Variants in TSHZ2 observed in about 807,000 individuals in gnomAD.
TSHZ2 encodes teashirt homolog 2.
TSHZ2 carries 21 observed loss-of-function variants against 74.4 expected under a neutral mutation model. The ratio of observed to expected loss-of-function variants is 0.28; its 90% CI spans 0.20 to 0.41. The LOEUF (loss-of-function observed/expected upper bound fraction) is 0.41, where lower values mean the gene tolerates loss of function less well. TSHZ2 is among the 10% of genes least tolerant of loss of function. The pLI is 1.00. For missense variants in TSHZ2, 1,244 were observed against 1,293.5 expected (o/e 0.96, Z 0.59); for synonymous variants, 540 against 515.3 (o/e 1.05, Z -0.65).
At chr20:53,295,016 T>A (rs1055084066) in intron 2 of TSHZ2, among the ~76,000 whole-genome samples, 22 of 152,234 alleles carry the variant, frequency 1.4e-4, no homozygotes, top group African/African-American at 4.1e-4. Flanking sequence ...CTTAGAGGAT[T>A]GCAGTATTTA....
chr20:53,419,546 G>T (rs1191628920), intron 2 of TSHZ2, among the ~76,000 whole-genome samples: 1 of 152,154 alleles, frequency 6.6e-6, no homozygotes, highest in Non-Finnish European at 1.5e-5. Flanking sequence ...GAAAGGTGAG[G>T]TATAGACATT....
chr20:53,174,638 G>C (rs1483797521), intron 1 of TSHZ2, among the ~76,000 whole-genome samples: 1 of 152,180 alleles, frequency 6.6e-6, no homozygotes, highest in Admixed American at 6.5e-5. Flanking sequence ...GGCACTCAAG[G>C]CTTAGCTATC....
chr20:53,467,852 C>G (rs908342922), intron 2 of TSHZ2, among the ~76,000 whole-genome samples: 4 of 152,148 alleles, frequency 2.6e-5, no homozygotes, highest in Admixed American at 1.3e-4. Context: ...ATATGTGTAC[C>G]AGGCTTTAAA....
chr20:53,361,604 A>G (rs529399185), intron 2 of TSHZ2, among the ~76,000 whole-genome samples: 1 of 152,262 alleles, frequency 6.6e-6, no homozygotes, highest in Non-Finnish European at 1.5e-5. Flanking sequence ...TTTGATCAAT[A>G]GTTTATAAAT....
chr20:53,175,597 G>A (rs1211257453), intron 1 of TSHZ2, among the ~76,000 whole-genome samples: 3 of 152,136 alleles, frequency 2.0e-5, no homozygotes, highest in Non-Finnish European at 2.9e-5. Flanking sequence ...TTGTCTGTTC[G>A]AGGGAAGTCA....
At chr20:53,244,427 TCTC>T (rs1990151898) in intron 1 of TSHZ2, among the ~76,000 whole-genome samples, 1 of 152,208 alleles carries the variant, frequency 6.6e-6, no homozygotes, top group Non-Finnish European at 1.5e-5. Flanking sequence ...CACTTTGTTT[TCTC>T]CTCTGTTCCT....
chr20:53,347,940 G>A (rs1246485559), intron 2 of TSHZ2, among the ~76,000 whole-genome samples: 3 of 152,032 alleles, frequency 2.0e-5, no homozygotes, highest in Admixed American at 6.6e-5. Context: ...TCATGACCCC[G>A]AAAAGAAACT....
chr20:53,261,158 A>G lies in TSHZ2; in HGVS notation c.*8+4587A>G, dbSNP rs188944769. ...CCTTGCCTGATGGTTTCTAGGTAAT[A>G]CTCATGGCTGGATGTACCTCCAACA... On this transcript the variant is annotated intron_variant, in intron 2 of 2. Coordinates refer to ENST00000371497, the MANE Select transcript of TSHZ2 (RefSeq NM_173485.6). 1.5e-3 allele frequency among the ~76,000 whole-genome samples: 225 copies of G among 152,180 alleles called. 2 individuals carry two copies. The highest frequency in any genetic ancestry group is 1.5e-3 in the Non-Finnish European group (99 of 68,018).
At chr20:53,065,483 T>G (rs999058019) in intron 1 of TSHZ2, among the ~76,000 whole-genome samples, 10 of 152,176 alleles carry the variant, frequency 6.6e-5, no homozygotes, top group Non-Finnish European at 1.3e-4. Context: ...TGAAACATAA[T>G]ATTCAAATCC....
Position 53,187,786 on chromosome 20 carries a change from A to C in TSHZ2, c.41-65713A>C, listed in dbSNP as rs114490769. ...GATAATAATTTTATTCAGATGGAGC[A>C]TTTCTGAGAAAAAGTGATCTGAGGG... is the stretch of plus-strand genomic sequence containing the variant. On this transcript the variant is annotated intron_variant, in intron 1 of 2. Transcript: ENST00000371497. Among the ~76,000 whole-genome samples, 747 of 152,276 alleles carry C rather than the reference A, an allele frequency of 4.9e-3. 6 individuals are homozygous for C. The highest frequency in any genetic ancestry group is 0.017 in the African/African-American group (707 of 41,550).
chr20:53,395,715 T>G (rs1318540527), intron 2 of TSHZ2, among the ~76,000 whole-genome samples: 1 of 152,204 alleles, frequency 6.6e-6, no homozygotes, highest in Non-Finnish European at 1.5e-5. Flanking sequence ...TCTTAACATC[T>G]TTCATGAAGT....
intron 1 of TSHZ2, among the ~76,000 whole-genome samples, chr20:53,026,434 C>A (rs1016016149): frequency 6.6e-6 from 1 of 151,796 alleles, no homozygotes; most frequent in African/African-American, 2.4e-5. Context: ...TTCACTGCAG[C>A]CTTGCCTCCC....
chr20:53,087,969 C>A (rs1373511105), intron 1 of TSHZ2, among the ~76,000 whole-genome samples: 1 of 152,202 alleles, frequency 6.6e-6, no homozygotes, highest in African/African-American at 2.4e-5. Context: ...GCAGTTCTCT[C>A]TACCTGGCAT....
intron 2 of TSHZ2, among the ~76,000 whole-genome samples, chr20:53,426,579 A>C (rs1983664184): frequency 6.6e-6 from 1 of 152,168 alleles, no homozygotes; most frequent in African/African-American, 2.4e-5. Flanking sequence ...GAATTTGAGA[A>C]CAGATTAATG....
intron 1 of TSHZ2, among the ~76,000 whole-genome samples, chr20:52,988,670 A>G (rs1371035976): frequency 6.6e-6 from 1 of 152,136 alleles, no homozygotes; most frequent in Admixed American, 6.5e-5. Flanking sequence ...GAAGAAAAAG[A>G]ATAAAGACTT....
chr20:53,423,877 G>A (rs1201703422), intron 2 of TSHZ2, among the ~76,000 whole-genome samples: 1 of 152,168 alleles, frequency 6.6e-6, no homozygotes, highest in Non-Finnish European at 1.5e-5. Flanking sequence ...TGCAAGGTCT[G>A]GAGACATGTT....
At chr20:53,083,749 T>C (rs1198402629) in intron 1 of TSHZ2, among the ~76,000 whole-genome samples, 10 of 152,188 alleles carry the variant, frequency 6.6e-5, no homozygotes, top group Admixed American at 6.5e-4. Flanking sequence ...TAAAAGCAAA[T>C]GAGATAGTAT....
At chr20:53,351,079 G>C (rs1393724857) in intron 2 of TSHZ2, among the ~76,000 whole-genome samples, 1 of 152,180 alleles carries the variant, frequency 6.6e-6, no homozygotes, top group African/African-American at 2.4e-5. Context: ...CATTTCAATT[G>C]CAATTCGTTA....
chr20:53,228,510 G>C (rs1188096256), intron 1 of TSHZ2, among the ~76,000 whole-genome samples: 1 of 152,204 alleles, frequency 6.6e-6, no homozygotes, highest in Non-Finnish European at 1.5e-5. Flanking sequence ...TGAGATTCGG[G>C]GTCCGGTAAT....
Sources: gnomAD v4.1 joint callset for allele counts (sites outside exome capture counted in the v4.1 genomes callset) on GRCh38, gnomAD v4.1.1 for gene constraint, MANE v1.5 for transcripts, NCBI Gene and HGNC (gene_info 2026-07-23, HGNC 2026-07-21) for gene names.